Variants in SLC35F3 observed in about 807,000 individuals in gnomAD.
SLC35F3 encodes solute carrier family 35 member F3, also known as putative thiamine transporter SLC35F3.
A neutral mutation model predicts 49.9 loss-of-function variants in SLC35F3; 25 were observed. That is an observed-to-expected ratio of 0.50 (90% CI 0.37 to 0.70). The LOEUF is 0.70. SLC35F3 is among the 30% of genes least tolerant of loss of function. SLC35F3 has a pLI of 0.00. For missense variants in SLC35F3, 525 were observed against 639.8 expected, an observed-to-expected ratio of 0.82 and a Z score of 1.94; for synonymous variants, 275 against 265.4, an observed-to-expected ratio of 1.04 and a Z score of -0.35.
chr1:234,223,203 TGA>T (rs1296062334), intron 2 of SLC35F3, among the ~76,000 whole-genome samples: 1 of 152,204 alleles, frequency 6.6e-6, no homozygotes, highest in African/African-American at 2.4e-5. Flanking sequence ...TTCAGACCTT[TGA>T]GAGTTATTCG....
chr1:234,139,951 T>TAATAAAAAATAAAATAAAATA (rs1553308863), intron 2 of SLC35F3, among the ~76,000 whole-genome samples: 1 of 90,564 alleles, frequency 1.1e-5, no homozygotes, highest in Non-Finnish European at 2.3e-5. Context: ...CATCTCAAAA[T>TAATAAAAAATAAAATAAAATA]AATAAAATAA....
chr1:234,294,232 T>C (rs1423576190), intron 3 of SLC35F3, among the ~76,000 whole-genome samples: 2 of 152,138 alleles, frequency 1.3e-5, no homozygotes, highest in Admixed American at 1.3e-4. Flanking sequence ...GCAGGTTCCT[T>C]AGGCTCAGCA....
Position 234,214,415 on chromosome 1 carries a change from C to T in SLC35F3, c.284-17002C>T. On this transcript the variant is annotated intron_variant, in intron 2 of 7. Transcript: ENST00000366618. The surrounding 1 kb of genome is among the most constrained non-coding windows in gnomAD (Gnocchi z 8.0). ...CCCCGGCGGCAGAGGGCCGCGTCGG[C>T]CACGGGCCCGGGAGAGACGCGCTCC... 2 of 1,415,418 alleles carry T rather than the reference C, an allele frequency of 1.4e-6. No individual in the cohort carries two copies. Among genetic ancestry groups the T allele is most frequent in the Non-Finnish European group, 1.8e-6 (2 of 1,081,444 alleles). The allele number at this position is 1,415,418 out of a possible 1,614,324, so 87.7% of individuals were successfully genotyped here.
chr1:233,915,164 A>ACCATTTCC (rs762130632), intron 2 of SLC35F3, among the ~76,000 whole-genome samples: 1 of 152,216 alleles, frequency 6.6e-6, no homozygotes, highest in Non-Finnish European at 1.5e-5. Flanking sequence ...TCTGCTATCT[A>ACCATTTCC]CCATTTCCAG....
chr1:233,959,533 G>A (rs1421384678), intron 2 of SLC35F3, among the ~76,000 whole-genome samples: 1 of 152,088 alleles, frequency 6.6e-6, no homozygotes, highest in Non-Finnish European at 1.5e-5. Context: ...GTAACAGTAG[G>A]TCACACCAGG....
intron 3 of SLC35F3, among the ~76,000 whole-genome samples, chr1:234,232,519 C>CAAAAAAAAAAAAAAAAAA (rs536692686): frequency 5.1e-4 from 37 of 72,336 alleles, no homozygotes; most frequent in African/African-American, 8.8e-4. Context: ...CAGGCCTAGT[C>CAAAAAAAAAAAAAAAAAA]AAAAAAAAAA....
rs1372576913 is a variant in SLC35F3 at position 234,267,593 on chromosome 1, A to G, written c.608+35852A>G. Among the ~76,000 whole-genome samples, 287 of 117,836 alleles carry G rather than the reference A, an allele frequency of 2.4e-3. 6 individuals are homozygous for G. The highest frequency in any genetic ancestry group is 8.9e-3 in the African/African-American group (235 of 26,552). 77.3% of individuals were successfully genotyped at this position (117,836 alleles called of 152,430 possible). A position where few individuals can be genotyped will look rare whatever the true frequency, so the allele number is the denominator to read the frequency against. On this transcript the variant is annotated intron_variant, in intron 3 of 7. Coordinates refer to ENST00000366618, the MANE Select transcript of SLC35F3 (RefSeq NM_173508.4). ...CCAGTAGGGGCGGCCGGGCAGAGGC[A>G]CCCCTCACCTCCTGGATGGGGCGGC...
chr1:233,929,161 C>T (rs1049783743), intron 2 of SLC35F3, among the ~76,000 whole-genome samples: 1 of 152,152 alleles, frequency 6.6e-6, no homozygotes. Flanking sequence ...CCCAATAATA[C>T]AATCTACCAC....
chr1:234,158,433 TATA>T (rs1209878381), intron 2 of SLC35F3, among the ~76,000 whole-genome samples: 3 of 142,936 alleles, frequency 2.1e-5, no homozygotes, highest in East Asian at 1.9e-4. Context: ...AGTTATTTTC[TATA>T]ATACTTTATT....
At chr1:234,159,094 T>C (rs1666192286) in intron 2 of SLC35F3, among the ~76,000 whole-genome samples, 1 of 152,202 alleles carries the variant, frequency 6.6e-6, no homozygotes, top group Non-Finnish European at 1.5e-5. Context: ...ATAGATGTTA[T>C]AGAATTTTCT....
chr1:234,119,769 G>A lies in SLC35F3; in HGVS notation c.284-111648G>A, dbSNP rs1018914443. 3.9e-5 allele frequency among the ~76,000 whole-genome samples: 6 copies of A among 152,324 alleles called. No homozygotes were observed. In the South Asian group the frequency reaches 6.2e-4, roughly 16 times the overall value. On this transcript the variant is annotated intron_variant, in intron 2 of 7. Coordinates refer to ENST00000366618, the MANE Select transcript of SLC35F3 (RefSeq NM_173508.4). ...AACAGGATAGTCAAAACAGCTAAAAGTAGCAGATGAGAAGCTGAAAATAGC... is the reference window on the plus strand; with the variant it reads ...AACAGGATAGTCAAAACAGCTAAAAATAGCAGATGAGAAGCTGAAAATAGC...
At chr1:233,973,882 T>C (rs549390522) in intron 2 of SLC35F3, among the ~76,000 whole-genome samples, 1 of 152,362 alleles carries the variant, frequency 6.6e-6, no homozygotes, top group African/African-American at 2.4e-5. Context: ...CAGTGCAGAC[T>C]GTCCTTGTAT....
At chr1:234,277,361 G>A (rs968724914) in intron 3 of SLC35F3, among the ~76,000 whole-genome samples, 1 of 152,190 alleles carries the variant, frequency 6.6e-6, no homozygotes, top group Non-Finnish European at 1.5e-5. Context: ...ATTGTTTTCT[G>A]GCTAGGAAGC....
chr1:234,275,792 A>C (rs1668200458), intron 3 of SLC35F3, among the ~76,000 whole-genome samples: 1 of 151,106 alleles, frequency 6.6e-6, no homozygotes, highest in African/African-American at 2.4e-5. Flanking sequence ...AGCACAGAAG[A>C]TGCTGCTGCT....
rs1292911388 is a variant in SLC35F3, at chr1:234,005,852, G to A, written c.283+100094G>A. Among the ~76,000 whole-genome samples the A allele has an allele frequency of 2.0e-5, 3 of 152,114 alleles. No individual in the cohort carries two copies. In the East Asian group the frequency reaches 5.8e-4, roughly 29 times the overall value. On this transcript the variant is annotated intron_variant, in intron 2 of 7. Coordinates refer to ENST00000366618, the MANE Select transcript of SLC35F3 (RefSeq NM_173508.4). ...GTGGAAAGACTACGAAGCATTAGAGGCAGGACTCTGGCCACAGAGACAGAA... is the reference window on the plus strand; with the variant it reads ...GTGGAAAGACTACGAAGCATTAGAGACAGGACTCTGGCCACAGAGACAGAA...
chr1:234,049,618 T>A (rs1348093781), intron 2 of SLC35F3, among the ~76,000 whole-genome samples: 2 of 152,076 alleles, frequency 1.3e-5, no homozygotes, highest in African/African-American at 2.4e-5. Flanking sequence ...CAATACTAAT[T>A]TTGTATTTTT....
intron 2 of SLC35F3, among the ~76,000 whole-genome samples, chr1:234,226,959 GTGCA>G (rs1558266310): frequency 2.4e-5 from 2 of 82,452 alleles, no homozygotes; most frequent in South Asian, 9.0e-4. Flanking sequence ...GCGCGCACGC[GTGCA>G]CACACACACA....
At chr1:234,140,002 A>AATAAAATAAAAAAAATAAAATAAAAAAAT in intron 2 of SLC35F3, among the ~76,000 whole-genome samples, 1 of 105,366 alleles carries the variant, frequency 9.5e-6, no homozygotes, top group Non-Finnish European at 2.4e-5. Flanking sequence ...AATAAAATAA[A>AATAAAATAAAAAAAATAAAATAAAAAAAT]GTAAGTGACT....
At chr1:233,969,303 T>C (rs373950406) in intron 2 of SLC35F3, among the ~76,000 whole-genome samples, 1 of 152,198 alleles carries the variant, frequency 6.6e-6, no homozygotes, top group Non-Finnish European at 1.5e-5. Flanking sequence ...GAGAGTTCTG[T>C]GCAGTGGCCG....
Sources: allele counts gnomAD v4.1 joint callset (sites outside exome capture counted in the v4.1 genomes callset), GRCh38; gene constraint gnomAD v4.1.1; non-coding constraint Gnocchi (gnomAD v3.1); transcripts MANE v1.5; gene names NCBI Gene and HGNC (gene_info 2026-07-23, HGNC 2026-07-21).